Variants in SPTAN1 observed in about 807,000 individuals in gnomAD.
The protein encoded by SPTAN1 is spectrin alpha, non-erythrocytic 1.
In SPTAN1, 61 loss-of-function variants were observed where a neutral mutation model predicts 331.3. The observed-to-expected ratio is 0.18, with a 90% confidence interval of 0.15 to 0.23. The LOEUF (loss-of-function observed/expected upper bound fraction) is 0.23. SPTAN1 is among the 10% of genes least tolerant of loss of function. The probability of loss-of-function intolerance (pLI) is 1.00; values close to 1 mark genes in which losing one functional copy is unlikely to be tolerated. For synonymous variants in SPTAN1, 1,153 were observed against 1,173.9 expected, an observed-to-expected ratio of 0.98 and a Z score of 0.36; for missense variants, 2,043 against 3,147.9, an observed-to-expected ratio of 0.65 and a Z score of 8.40.
Position 128,589,352 on chromosome 9 carries a change from G to C in SPTAN1, c.3006+409G>C, listed in dbSNP as rs928287146. Among the ~76,000 whole-genome samples, 11 of 145,366 alleles carry C rather than the reference G, an allele frequency of 7.6e-5. No homozygotes were observed. The East Asian group carries it at 1.4e-3, about 19-fold the overall frequency. On this transcript the variant is annotated intron_variant, in intron 21 of 56. Transcript: ENST00000372739. ...CACCCAGGCTAGAGTGCAGTGGCAC[G>C]ATTTCAGCTCACTGCAAGCTCCGCC...
Position 128,605,079 on chromosome 9 carries a change from T to C in SPTAN1, c.3765T>C (p.Ala1255=), listed in dbSNP as rs1855651638. 1 of 1,613,952 alleles carries C rather than the reference T, an allele frequency of 6.2e-7. No individual in the cohort carries two copies. Among genetic ancestry groups the C allele is most frequent in the East Asian group, 2.2e-5 (1 of 44,880 alleles). The part of the protein sequence containing the change: ...TKEWIEEKNQ[A]LNTDNYGHDL... ...AATGGATTGAAGAGAAGAATCAAGC[T>C]CTAAACACAGACAATTATGGACATG... Residue 1255 remains alanine, a synonymous_variant, in exon 30 of 57, where the codon GCT becomes GCC. Transcript: ENST00000372739.
chr9:128,627,095 G>C lies in SPTAN1; in HGVS notation c.6577-291G>C. On this transcript the variant is annotated intron_variant, in intron 49 of 56. Transcript: ENST00000372739. This position sits in a 1 kb window ranked among gnomAD's most constrained non-coding sequence, Gnocchi z 4.9. ...CCCAAAGTGCTGGGATTACAGGTGT[G>C]AGCCACTGTACCCAGCCAGAAGTTT... 1.7e-6 allele frequency: 1 copy of C among 571,752 alleles called. No homozygotes were observed. The highest frequency in any genetic ancestry group is 1.5e-5 in the South Asian group (1 of 65,502). 35.4% of individuals were successfully genotyped at this position (571,752 alleles called of 1,614,324 possible). A position where few individuals can be genotyped will look rare whatever the true frequency, so the allele number is the denominator to read the frequency against.
Position 128,627,915 on chromosome 9 carries a change from C to T in SPTAN1, c.6690-10C>T. 1 of 1,614,182 alleles carries T rather than the reference C, an allele frequency of 6.2e-7. No individual in the cohort carries two copies. The highest frequency in any genetic ancestry group is 8.5e-7 in the Non-Finnish European group (1 of 1,180,022). ...CTTGTCTCCCGGCTGCTTGGATCTG[C>T]TCTCCACAGGACATACCTCCTCGAT... On this transcript the variant is annotated splice_polypyrimidine_tract_variant and intron_variant, in intron 50 of 56. Transcript: ENST00000372739. The surrounding 1 kb of genome is among the most constrained non-coding windows in gnomAD (Gnocchi z 4.9).
Position 128,627,850 on chromosome 9 carries a change from C to G in SPTAN1, c.6690-75C>G. 6.4e-7 allele frequency: 1 copy of G among 1,553,526 alleles called. No individual in the cohort carries two copies. The highest frequency in any genetic ancestry group is 8.9e-7 in the Non-Finnish European group (1 of 1,124,932). On this transcript the variant is annotated intron_variant, in intron 50 of 56. Coordinates refer to ENST00000372739, the MANE Select transcript of SPTAN1 (RefSeq NM_001130438.3). This position sits in a 1 kb window ranked among gnomAD's most constrained non-coding sequence, Gnocchi z 4.9. ...TGTTTTCCTTTCTTTCTTGTGTCTT[C>G]TCTCTGTCCCCCCGATTGCTGCTGT...
intron 1 of SPTAN1, among the ~76,000 whole-genome samples, chr9:128,562,992 G>GTATATA (rs1168781290): frequency 0.038 from 119 of 3,092 alleles, no homozygotes; most frequent in African/African-American, 0.046. Flanking sequence ...ACATGTATGT[G>GTATATA]TATATATATA....
At chr9:128,620,303 C>A (rs1857680897) in intron 44 of SPTAN1, among the ~76,000 whole-genome samples, 1 of 152,220 alleles carries the variant, frequency 6.6e-6, no homozygotes, top group South Asian at 2.1e-4. Flanking sequence ...AAGCATCCTC[C>A]CGCTGGTCAG....
chr9:128,624,157 C>G (rs974855500), intron 45 of SPTAN1, among the ~76,000 whole-genome samples, 171 bp from the exon 46 acceptor site: 1 of 150,236 alleles, frequency 6.7e-6, no homozygotes, highest in Non-Finnish European at 1.5e-5. Context: ...TTGTGTGAAG[C>G]CTTTGACCGC....
chr9:128,606,500 G>GT (rs377659187), intron 31 of SPTAN1, among the ~76,000 whole-genome samples: 4 of 144,648 alleles, frequency 2.8e-5, no homozygotes, highest in Admixed American at 6.8e-5. Flanking sequence ...TTTTTTTTGG[G>GT]GGGGGAAGCG....
chr9:128,577,252 T>G lies in SPTAN1; in HGVS notation c.909T>G (p.Asp303Glu), dbSNP rs761676912. ...GGAAGCACGAGGGTCTGGAGAGAGATCTTGCTGCTCTAGAAGACAAGGTGG... is the reference window on the plus strand; with the variant it reads ...GGAAGCACGAGGGTCTGGAGAGAGAGCTTGCTGCTCTAGAAGACAAGGTGG... ...LLRKHEGLER[D>E]LAALEDKVKA... The change falls in exon 7 of 57, where the codon GAT (aspartate) becomes GAG (glutamate). Residue 303 changes from aspartate to glutamate, a missense_variant. By Grantham distance (45) the Asp-to-Glu change is conservative (BLOSUM62 2). This residue lies in a region of SPTAN1 where 1,038 missense variants were observed against 1,531.5 expected (regional missense o/e 0.68). Coordinates refer to ENST00000372739, the MANE Select transcript of SPTAN1 (RefSeq NM_001130438.3). This position sits in a 1 kb window ranked among gnomAD's most constrained non-coding sequence, Gnocchi z 4.2. The G allele has an allele frequency of 6.8e-6, 11 of 1,614,190 alleles. No individual in the cohort carries two copies. The highest frequency in any genetic ancestry group is 1.1e-5 in the South Asian group (1 of 91,086).
intron 37 of SPTAN1, among the ~76,000 whole-genome samples, chr9:128,611,201 G>A (rs1394831865): frequency 1.3e-5 from 2 of 152,328 alleles, no homozygotes; most frequent in Middle Eastern, 3.4e-3. Context: ...CAGGCTTGGT[G>A]GCTCATGCTT....
At position 128,626,414 on chromosome 9, in the gene SPTAN1, C is replaced by A; in HGVS notation, c.6303C>A (p.Phe2101Leu). ...FRKVEDLFLT[F>L]AKKASAFNSW... is the part of the protein sequence containing the mutation. ...AGGTGGAGGACCTCTTCCTGACCTT[C>A]GCCAAAAAGGCTTCTGCCTTCAACA... The change falls in exon 49 of 57, where the codon TTC (phenylalanine) becomes TTA (leucine). Residue 2101 changes from phenylalanine (F) to leucine (L), a missense_variant. Physicochemically the swap from Phe to Leu is conservative, Grantham distance 22. This residue lies in a region of SPTAN1 where 256 missense variants were observed against 376.4 expected (regional missense o/e 0.68). Transcript: ENST00000372739. The A allele has an allele frequency of 1.2e-6, 2 of 1,614,130 alleles. No individual in the cohort carries two copies. The highest frequency in any genetic ancestry group is 1.7e-6 in the Non-Finnish European group (2 of 1,180,032).
At chr9:128,598,286 TG>T in intron 24 of SPTAN1, 113 bp from the exon 25 acceptor site, 5 of 753,872 alleles carry the variant, frequency 6.6e-6, no homozygotes, top group African/African-American at 1.8e-5. Context: ...TTTTTTTTTT[TG>T]GTAGGCCTCT....
At chr9:128,586,068 C>T (rs1048693302) in intron 19 of SPTAN1, 103 bp downstream of exon 19, 3 of 747,084 alleles carry the variant, frequency 4.0e-6, no homozygotes, top group African/African-American at 1.8e-5. Context: ...GTGTGCATTA[C>T]AGTGATTGTT....
intron 1 of SPTAN1, among the ~76,000 whole-genome samples, chr9:128,559,266 A>G (rs1270542907): frequency 1.3e-5 from 2 of 152,296 alleles, no homozygotes; most frequent in African/African-American, 4.8e-5. Flanking sequence ...AGGTTGGTTA[A>G]TTTCAGCAGG....
Position 128,630,675 on chromosome 9 carries a change from G to T in SPTAN1, c.6762+300G>T. ...TCCCAAATAGCTGTACTACAGATGT[G>T]TGCCACCACATTTGGCTAATTTTTG... On this transcript the variant is annotated intron_variant, in intron 52 of 56. Coordinates refer to ENST00000372739, the MANE Select transcript of SPTAN1 (RefSeq NM_001130438.3). The T allele has an allele frequency of 5.5e-6, 2 of 360,776 alleles. 1 individual carries two copies. Among genetic ancestry groups the T allele is most frequent in the Non-Finnish European group, 1.0e-5 (2 of 191,126 alleles). The allele number at this position is 360,776 out of a possible 1,614,324, so 22.3% of individuals were successfully genotyped here.
intron 51 of SPTAN1, chr9:128,628,157 G>T (rs758499840): frequency 4.1e-6 from 3 of 740,062 alleles, no homozygotes; most frequent in Non-Finnish European, 7.3e-6. Context: ...AAGCCAGGGG[G>T]AGCCGTCCTT....
intron 21 of SPTAN1, among the ~76,000 whole-genome samples, chr9:128,589,610 C>T (rs1334763321): frequency 2.4e-5 from 3 of 124,460 alleles, no homozygotes; most frequent in Non-Finnish European, 3.2e-5. Context: ...ATGTCTTGCT[C>T]TGTCGTCCAG....
At position 128,633,651 on chromosome 9, in the gene SPTAN1, ACTTCCCCC is replaced by A. The variant is rs1860208588; in HGVS notation, c.*318_*325del. ...TCATGTAAAAGACAAATAAATGATG[ACTTCCCCC>A]AAAGCTTTGCTTTTCTTCATTTGGC... On this transcript the variant is annotated 3_prime_UTR_variant, in exon 57 of 57. Coordinates refer to ENST00000372739, the MANE Select transcript of SPTAN1 (RefSeq NM_001130438.3). 1 of 1,406,284 alleles carries A rather than the reference ACTTCCCCC, an allele frequency of 7.1e-7. No homozygotes were observed. Among genetic ancestry groups the A allele is most frequent in the Admixed American group, 2.0e-5 (1 of 49,752 alleles). 87.1% of individuals were successfully genotyped at this position (1,406,284 alleles called of 1,614,324 possible).
At position 128,566,561 on chromosome 9, in the gene SPTAN1, C is replaced by T. The variant is rs2275257; in HGVS notation, c.-3-177C>T. ...TAGGTGTTGCAGGGGAATGGATGGC[C>T]GTTTTTAATAAAGAAATAGGATCTG... On this transcript the variant is annotated intron_variant, in intron 1 of 56. Coordinates refer to ENST00000372739, the MANE Select transcript of SPTAN1 (RefSeq NM_001130438.3). 2.6e-3 allele frequency among the ~76,000 whole-genome samples: 394 copies of T among 152,112 alleles called. 10 individuals are homozygous for T. In the East Asian group the frequency reaches 0.04, roughly 16 times the overall value.
Sources: allele counts gnomAD v4.1 joint callset (sites outside exome capture counted in the v4.1 genomes callset), GRCh38; gene constraint gnomAD v4.1.1; regional missense constraint gnomAD v4.1.1; non-coding constraint Gnocchi (gnomAD v3.1); transcripts MANE v1.5; gene names NCBI Gene and HGNC (gene_info 2026-07-23, HGNC 2026-07-21).